AKAP13: variants seen among roughly 807,000 people sequenced by gnomAD.
The protein encoded by AKAP13 is A-kinase anchoring protein 13.
AKAP13 carries 80 observed loss-of-function variants against 264.5 expected under a neutral mutation model. That is an observed-to-expected ratio of 0.30 (90% CI 0.25 to 0.36). The LOEUF (loss-of-function observed/expected upper bound fraction) is 0.36. Among genes scored for constraint, AKAP13 ranks in the 10% least tolerant of loss-of-function variants. The probability of loss-of-function intolerance (pLI) is 1.00; values close to 1 mark genes in which losing one functional copy is unlikely to be tolerated. For missense variants in AKAP13, 3,712 were observed against 3,435.2 expected (o/e 1.08, Z -2.01); for synonymous variants, 1,380 against 1,250.2 (o/e 1.10, Z -2.19).
chr15:85,419,935 G>GTTTTTTTTTTTT (rs11452064), intron 1 of AKAP13, among the ~76,000 whole-genome samples: 1 of 77,970 alleles, frequency 1.3e-5, no homozygotes. Context: ...TCTGACTCTT[G>GTTTTTTTTTTTT]TTTTTTTTTT....
intron 36 of AKAP13, chr15:85,744,096 T>A (rs1597253922): frequency 2.2e-6 from 1 of 448,218 alleles, no homozygotes; most frequent in African/African-American, 2.0e-5. Flanking sequence ...CACCCCTCAA[T>A]GAAGTAATTC....
At chr15:85,647,889 C>T (rs892613851) in intron 10 of AKAP13, among the ~76,000 whole-genome samples, 2 of 152,116 alleles carry the variant, frequency 1.3e-5, no homozygotes, top group African/African-American at 2.4e-5. Flanking sequence ...GATTGTGCCA[C>T]TGCACTCCAG....
chr15:85,729,536 T>C (rs962608752), intron 29 of AKAP13, among the ~76,000 whole-genome samples: 1 of 151,998 alleles, frequency 6.6e-6, no homozygotes, highest in African/African-American at 2.4e-5. Flanking sequence ...GGTCTGCTGC[T>C]AAGAAAGGGG....
intron 3 of AKAP13, among the ~76,000 whole-genome samples, chr15:85,526,877 T>C (rs145271803): frequency 1.3e-5 from 2 of 152,216 alleles, no homozygotes; most frequent in African/African-American, 2.4e-5. Flanking sequence ...TTAGTACATA[T>C]AGTGGTTATA....
intron 8 of AKAP13, among the ~76,000 whole-genome samples, chr15:85,588,314 G>C (rs1427153532): frequency 6.6e-6 from 1 of 152,124 alleles, no homozygotes; most frequent in Non-Finnish European, 1.5e-5. Flanking sequence ...TGCCTGGGTG[G>C]CTACTTGTAA....
In AKAP13 at chr15:85,566,267, T is replaced by C. The variant is rs143735448; in HGVS notation, c.663-8864T>C. 4.3e-3 allele frequency among the ~76,000 whole-genome samples: 654 copies of C among 152,360 alleles called. 3 individuals carry two copies. The highest frequency in any genetic ancestry group is 0.017 in the South Asian group (83 of 4,828). On this transcript the variant is annotated intron_variant, in intron 5 of 36. Transcript: ENST00000394518. ...TTTTTTGCCTTAGTGGTACATAAGA[T>C]GATGGTGCCTTTACAAGTAATAGCA... is the stretch of plus-strand genomic sequence containing the variant.
intron 1 of AKAP13, among the ~76,000 whole-genome samples, chr15:85,459,489 A>G (rs1461958188): frequency 3.5e-5 from 5 of 144,780 alleles, no homozygotes; most frequent in Middle Eastern, 8.5e-3. Context: ...CTGAGCCACC[A>G]CACCCAGCCT....
intron 1 of AKAP13, among the ~76,000 whole-genome samples, chr15:85,445,583 A>G (rs2073870064): frequency 6.6e-6 from 1 of 152,200 alleles, no homozygotes; most frequent in African/African-American, 2.4e-5. Context: ...ATGAGCAGTC[A>G]TTTAATTACA....
chr15:85,580,353 C>A lies in AKAP13; in HGVS notation c.2285C>A (p.Pro762Gln). The change falls in exon 7 of 37, where the codon CCA becomes CAA. Residue 762 changes from proline (P) to glutamine (Q), a missense_variant. This residue lies in a region of AKAP13 where 2,759 missense variants were observed against 2,411.7 expected (regional missense o/e 1.14). Coordinates refer to ENST00000394518, the MANE Select transcript of AKAP13 (RefSeq NM_007200.5). Reference protein sequence around the residue: ...LTNMLEVVSHPHPVVPKMEKE... With the variant: ...LTNMLEVVSHQHPVVPKMEKE... ...AATATGCTTGAGGTGGTTTCACATC[C>A]ACATCCAGTTGTCCCTAAAATGGAG... 1 of 1,614,204 alleles carries A rather than the reference C, an allele frequency of 6.2e-7. No individual in the cohort carries two copies. Among genetic ancestry groups the A allele is most frequent in the South Asian group, 1.1e-5 (1 of 91,074 alleles).
At chr15:85,628,671 G>GT (rs77257970) in intron 8 of AKAP13, among the ~76,000 whole-genome samples, 6 of 150,754 alleles carry the variant, frequency 4.0e-5, no homozygotes, top group South Asian at 2.1e-4. Context: ...ACAAACAGCA[G>GT]TTTTTTTTTC....
At chr15:85,721,601 T>C (rs1041110320) in intron 23 of AKAP13, among the ~76,000 whole-genome samples, 3 of 152,244 alleles carry the variant, frequency 2.0e-5, no homozygotes, top group South Asian at 2.1e-4. Flanking sequence ...GTCTAACTTA[T>C]CAAGGTCAGA....
chr15:85,662,983 A>T (rs1249659806), intron 12 of AKAP13, among the ~76,000 whole-genome samples: 1 of 152,116 alleles, frequency 6.6e-6, no homozygotes, highest in Non-Finnish European at 1.5e-5. Flanking sequence ...TTTCTTCTTC[A>T]CTTAGCCCCT....
At chr15:85,483,545 G>A (rs2075413480) in intron 1 of AKAP13, among the ~76,000 whole-genome samples, 1 of 146,288 alleles carries the variant, frequency 6.8e-6, no homozygotes, top group Non-Finnish European at 1.5e-5. Context: ...ATAATGGCGT[G>A]AACCCGGGAA....
chr15:85,657,078 C>T (rs192997796), intron 11 of AKAP13, among the ~76,000 whole-genome samples: 1 of 152,124 alleles, frequency 6.6e-6, no homozygotes, highest in East Asian at 1.9e-4. Context: ...CCCAGAAGTT[C>T]GAGGCTGCAG....
In AKAP13 at chr15:85,498,199, G is replaced by GATATAGATATATAT. The variant is rs1467895169; in HGVS notation, c.33+12451_33+12452insGATATATATATATA. On this transcript the variant is annotated intron_variant, in intron 2 of 36. Coordinates refer to ENST00000394518, the MANE Select transcript of AKAP13 (RefSeq NM_007200.5). ...TGGTAGTAAGGATTAAATGAAGTGA[G>GATATAGATATATAT]ATATATATATATATATATATATATA... Among the ~76,000 whole-genome samples, 323 of 133,074 alleles carry GATATAGATATATAT rather than the reference G, an allele frequency of 2.4e-3. 5 individuals are homozygous for GATATAGATATATAT. Among genetic ancestry groups the GATATAGATATATAT allele is most frequent in the South Asian group, 6.7e-3 (20 of 2,964 alleles). 87.3% of individuals were successfully genotyped at this position (133,074 alleles called of 152,430 possible). A position where few individuals can be genotyped will look rare whatever the true frequency, so the allele number is the denominator to read the frequency against.
Position 85,407,373 on chromosome 15 carries a change from A to G in AKAP13, c.-12+26575A>G, listed in dbSNP as rs2071722506. On this transcript the variant is annotated intron_variant, in intron 1 of 36. Transcript: ENST00000394518. ...TTCCCGAGTGGCTGAGACTACAGGC[A>G]TGCGCTGCCATGCCTGGCTAATTTT... 2.0e-5 allele frequency among the ~76,000 whole-genome samples: 3 copies of G among 151,414 alleles called. No individual in the cohort carries two copies. In the South Asian group the frequency reaches 6.2e-4, roughly 31 times the overall value.
chr15:85,740,775 A>ACCCCCCCC (rs34080252), intron 34 of AKAP13, among the ~76,000 whole-genome samples: 16 of 67,388 alleles, frequency 2.4e-4, no homozygotes, highest in African/African-American at 5.0e-4. Flanking sequence ...ACACACAACC[A>ACCCCCCCC]CCCCCCCCCC....
rs2089317697 is a variant in AKAP13, at chr15:85,744,695, G to A, written c.*18G>A. On this transcript the variant is annotated 3_prime_UTR_variant, in exon 37 of 37. Coordinates refer to ENST00000394518, the MANE Select transcript of AKAP13 (RefSeq NM_007200.5). ...TCTGCTGACCCTCTTCCTCTCTGCT[G>A]AGGCAGCTGCCTCCTGATCCTGGCC... 2.5e-6 allele frequency: 4 copies of A among 1,589,974 alleles called. No homozygotes were observed. In the East Asian group the frequency reaches 9.0e-5, roughly 36 times the overall value.
chr15:85,687,937 G>A lies in AKAP13; in HGVS notation c.5289+3064G>A, dbSNP rs565295504. 2.6e-5 allele frequency among the ~76,000 whole-genome samples: 4 copies of A among 151,854 alleles called. No homozygotes were observed. In the South Asian group the frequency reaches 8.3e-4, roughly 32 times the overall value. ...CACCTGTAGTCCTAGCTACTCAGGA[G>A]GCTGAGGCAAGAGGATCACTTGAGC... On this transcript the variant is annotated intron_variant, in intron 16 of 36. Transcript: ENST00000394518.
Sources: allele counts gnomAD v4.1 joint callset (sites outside exome capture counted in the v4.1 genomes callset), GRCh38; gene constraint gnomAD v4.1.1; regional missense constraint gnomAD v4.1.1; transcripts MANE v1.5; gene names NCBI Gene and HGNC (gene_info 2026-07-23, HGNC 2026-07-21).